ENOX1: variants seen among roughly 807,000 people sequenced by gnomAD.
ENOX1 encodes the protein candidate growth-related and time keeping constitutive hydroquinone (NADH) oxidase.
ENOX1 carries 42 observed loss-of-function variants against 82.5 expected under a neutral mutation model. The ratio of observed to expected loss-of-function variants is 0.51; its 90% confidence interval spans 0.40 to 0.66. ENOX1 has a LOEUF of 0.66. Ranked by LOEUF, ENOX1 falls within the 30% of genes least tolerant of loss-of-function variation. ENOX1 has a pLI of 0.00. For missense variants in ENOX1, 608 were observed against 811.6 expected (o/e 0.75, Z 3.05); for synonymous variants, 271 against 282.2 (o/e 0.96, Z 0.40).
At chr13:43,655,480 T>G (rs924653178) in intron 2 of ENOX1, among the ~76,000 whole-genome samples, 3 of 152,090 alleles carry the variant, frequency 2.0e-5, no homozygotes, top group Admixed American at 2.0e-4. Flanking sequence ...CAAGTCAAAT[T>G]CCTTCTCCTT....
intron 12 of ENOX1, among the ~76,000 whole-genome samples, chr13:43,297,145 CAGA>C (rs1028371898): frequency 6.6e-6 from 1 of 152,192 alleles, no homozygotes; most frequent in Admixed American, 6.5e-5. Flanking sequence ...TTTAAAATGG[CAGA>C]AGATGTTTAA....
chr13:43,279,612 T>C (rs533764786), intron 12 of ENOX1, among the ~76,000 whole-genome samples: 4 of 152,330 alleles, frequency 2.6e-5, no homozygotes, highest in South Asian at 4.2e-4. Flanking sequence ...TAAATAAATA[T>C]AAGAATACTT....
intron 14 of ENOX1, among the ~76,000 whole-genome samples, chr13:43,246,590 A>T (rs559172280): frequency 1.3e-5 from 2 of 152,226 alleles, no homozygotes; most frequent in Non-Finnish European, 2.9e-5. Context: ...TTTTAACCAC[A>T]GTCTGCAACA....
At chr13:43,542,131 G>A (rs1171716599) in intron 2 of ENOX1, among the ~76,000 whole-genome samples, 2 of 152,090 alleles carry the variant, frequency 1.3e-5, no homozygotes, top group Non-Finnish European at 2.9e-5. Flanking sequence ...AAGCATAAGT[G>A]TCTTCTTCTT....
intron 12 of ENOX1, among the ~76,000 whole-genome samples, chr13:43,293,836 T>C (rs1403089664): frequency 6.6e-6 from 1 of 152,242 alleles, no homozygotes; most frequent in African/African-American, 2.4e-5. Flanking sequence ...CTTTGTATTT[T>C]AGGAAAGTAG....
At chr13:43,296,807 G>C (rs549709565) in intron 12 of ENOX1, among the ~76,000 whole-genome samples, 1 of 152,166 alleles carries the variant, frequency 6.6e-6, no homozygotes, top group Non-Finnish European at 1.5e-5. Flanking sequence ...TAAAGCAACT[G>C]GGATAATCTT....
At chr13:43,303,025 T>C (rs1358438194) in intron 11 of ENOX1, among the ~76,000 whole-genome samples, 3 of 152,234 alleles carry the variant, frequency 2.0e-5, no homozygotes, top group African/African-American at 7.2e-5. Context: ...TTTGTGTGTT[T>C]GGGGAACTCT....
chr13:43,743,319 C>T (rs914491201), intron 1 of ENOX1, among the ~76,000 whole-genome samples: 5 of 152,174 alleles, frequency 3.3e-5, no homozygotes, highest in Non-Finnish European at 7.3e-5. Flanking sequence ...AATTTTACCA[C>T]AAGACAGTGG....
chr13:43,781,954 T>C (rs1305075885), intron 1 of ENOX1, among the ~76,000 whole-genome samples: 2 of 152,234 alleles, frequency 1.3e-5, no homozygotes, highest in African/African-American at 4.8e-5. Flanking sequence ...ATTTATTTGT[T>C]TGCTTATTTT....
At chr13:43,376,944 G>A (rs2051679687) in intron 5 of ENOX1, among the ~76,000 whole-genome samples, 1 of 152,160 alleles carries the variant, frequency 6.6e-6, no homozygotes, top group South Asian at 2.1e-4. Context: ...GGCCTCACCT[G>A]TGACCATGCA....
chr13:43,413,709 T>TTATATATATTTATA (rs1388022813), intron 3 of ENOX1, among the ~76,000 whole-genome samples: 5 of 144,642 alleles, frequency 3.5e-5, no homozygotes, highest in African/African-American at 1.2e-4. Context: ...TTTTATATAT[T>TTATATATATTTATA]TATATATATT....
chr13:43,721,732 C>G lies in ENOX1; in HGVS notation c.-284-54188G>C, dbSNP rs369065839. On this transcript the variant is annotated intron_variant, in intron 1 of 16. Transcript: ENST00000690772. ...CCCCTGCTTTTTGCACAAGGGGCCC[C>G]ACATTTTCATTTTGCACTGGACCTT... 1.6e-3 allele frequency among the ~76,000 whole-genome samples: 237 copies of G among 152,182 alleles called. 8 individuals carry two copies. The South Asian group carries it at 0.048, about 31-fold the overall frequency.
At chr13:43,470,330 GTATATATATACGTATATATATATGTA>G (rs2057972340) in intron 3 of ENOX1, among the ~76,000 whole-genome samples, 2 of 25,258 alleles carry the variant, frequency 7.9e-5, no homozygotes, top group African/African-American at 2.5e-4. Context: ...ATATATATAT[GTATATATATACGTATATATATATGTA>G]TATATATACG....
chr13:43,426,973 C>T (rs140116811), intron 3 of ENOX1, among the ~76,000 whole-genome samples: 237 of 152,292 alleles, frequency 1.6e-3, no homozygotes, highest in Middle Eastern at 6.8e-3. Flanking sequence ...AATGCACTCC[C>T]CAAACTCTTG....
intron 1 of ENOX1, among the ~76,000 whole-genome samples, chr13:43,783,479 A>C (rs78523885): frequency 0.015 from 2,303 of 152,336 alleles, 62 homozygotes; most frequent in East Asian, 0.098. Flanking sequence ...AGGGGAAGAC[A>C]TCCTGAGACT....
At chr13:43,333,603 T>C (rs1294096611) in intron 9 of ENOX1, among the ~76,000 whole-genome samples, 1 of 152,224 alleles carries the variant, frequency 6.6e-6, no homozygotes, top group Non-Finnish European at 1.5e-5. Flanking sequence ...TTAGTGGTTA[T>C]GAAAATCATA....
chr13:43,594,462 A>G (rs987928600), intron 2 of ENOX1, among the ~76,000 whole-genome samples: 2 of 152,344 alleles, frequency 1.3e-5, no homozygotes, highest in Non-Finnish European at 2.9e-5. Flanking sequence ...TTGTTTACTT[A>G]GCACTTCAGT....
At chr13:43,662,012 CA>C (rs2084757521) in intron 2 of ENOX1, among the ~76,000 whole-genome samples, 1 of 151,928 alleles carries the variant, frequency 6.6e-6, no homozygotes, top group Non-Finnish European at 1.5e-5. Context: ...TTATAGACAG[CA>C]ATACTAATTC....
chr13:43,661,402 G>A (rs927586618), intron 2 of ENOX1, among the ~76,000 whole-genome samples: 21 of 152,230 alleles, frequency 1.4e-4, no homozygotes, highest in Admixed American at 3.9e-4. Flanking sequence ...AAGTATAGAC[G>A]GGTGTCTGGA....
Sources: gnomAD v4.1 joint callset for allele counts (sites outside exome capture counted in the v4.1 genomes callset) on GRCh38, gnomAD v4.1.1 for gene constraint, MANE v1.5 for transcripts, NCBI Gene and HGNC (gene_info 2026-07-23, HGNC 2026-07-21) for gene names.